Variants in MAPK15 observed in about 807,000 individuals in gnomAD.
The protein encoded by MAPK15 is mitogen-activated protein kinase 15.
MAPK15 carries 61 observed loss-of-function variants against 60.8 expected under a neutral mutation model. That is an observed-to-expected ratio of 1.00 (90% confidence interval 0.82 to 1.24). The LOEUF (loss-of-function observed/expected upper bound fraction) is 1.24. Among genes scored for constraint, MAPK15 ranks in the 50% most tolerant of loss-of-function variants. The pLI, the probability that MAPK15 is intolerant of heterozygous loss-of-function variation, is 0.00. For missense variants in MAPK15, 808 were observed against 741.1 expected (o/e 1.09, Z -1.05); for synonymous variants, 356 against 319.9 (o/e 1.11, Z -1.21).
rs782261037 is a variant in MAPK15, at chr8:143,722,263, C to T, written c.*12C>T. On this transcript the variant is annotated 3_prime_UTR_variant, in exon 14 of 14. Transcript: ENST00000338033. ...GGCACCATGTGTGAGCCGCCCTACTCCCTTCACCTGGCCCTCTGTTCCTGC... is the reference window on the plus strand; with the variant it reads ...GGCACCATGTGTGAGCCGCCCTACTTCCTTCACCTGGCCCTCTGTTCCTGC... 3 of 1,546,632 alleles carry T rather than the reference C, an allele frequency of 1.9e-6. No individual in the cohort carries two copies. In the Admixed American group the frequency reaches 5.6e-5, roughly 29 times the overall value.
Position 143,719,170 on chromosome 8 carries a change from A to T in MAPK15, c.581+14A>T. On this transcript the variant is annotated intron_variant, in intron 6 of 13. Transcript: ENST00000338033. ...CTCTTCGCACCGGTAATAGCGAGAC[A>T]TCCCCAACCCCCCCTCCACCTCCCT... 1 of 1,420,326 alleles carries T rather than the reference A, an allele frequency of 7.0e-7. No individual in the cohort carries two copies. The highest frequency in any genetic ancestry group is 9.3e-7 in the Non-Finnish European group (1 of 1,077,032). The allele number at this position is 1,420,326 out of a possible 1,614,324, so 88.0% of individuals were successfully genotyped here.
At position 143,720,689 on chromosome 8, in the gene MAPK15, A is replaced by G; in HGVS notation, c.780-14A>G. On this transcript the variant is annotated splice_polypyrimidine_tract_variant and intron_variant, in intron 8 of 13. Coordinates refer to ENST00000338033, the MANE Select transcript of MAPK15 (RefSeq NM_139021.3). The surrounding 1 kb of genome is among the most constrained non-coding windows in gnomAD (Gnocchi z 4.6). ...TTGGGTCGGGCCCTGGAGACGACAC[A>G]CGGCAGCCCACAGGCCACGACAGAC... 4.4e-6 allele frequency: 7 copies of G among 1,606,688 alleles called. No individual in the cohort carries two copies. The highest frequency in any genetic ancestry group is 1.1e-5 in the South Asian group (1 of 90,004).
chr8:143,716,594 C>A (rs992536890), intron 1 of MAPK15, 151 bp downstream of exon 1: 1 of 640,492 alleles, frequency 1.6e-6, no homozygotes, highest in Non-Finnish European at 2.5e-6. Flanking sequence ...GTCTGGAGCC[C>A]CTTCGTGCCT....
At chr8:143,722,001 T>C in intron 13 of MAPK15, 74 bp from the exon 14 acceptor site, 1 of 1,533,764 alleles carries the variant, frequency 6.5e-7, no homozygotes. Flanking sequence ...TTCAAATCTC[T>C]CGAGGACCTC....
rs1030207018 is a variant in MAPK15 at position 143,717,994 on chromosome 8, T to C, written c.166-53T>C. The C allele has an allele frequency of 6.2e-6, 10 of 1,612,880 alleles. No homozygotes were observed. In the African/African-American group the frequency reaches 6.7e-5, roughly 11 times the overall value. On this transcript the variant is annotated intron_variant, in intron 2 of 13. Coordinates refer to ENST00000338033, the MANE Select transcript of MAPK15 (RefSeq NM_139021.3). Reference sequence around the variant, plus strand: ...AGCTCCTTTGGGTCCTCTCAGGACATGGGCTTCCTTCTTGCTCCACCCACC... The same window carrying C: ...AGCTCCTTTGGGTCCTCTCAGGACACGGGCTTCCTTCTTGCTCCACCCACC...
At chr8:143,718,178 C>T in intron 3 of MAPK15, 34 bp from the exon 4 acceptor site, 1 of 1,613,372 alleles carries the variant, frequency 6.2e-7, no homozygotes, top group Non-Finnish European at 8.5e-7. Flanking sequence ...ACAGCCCCTC[C>T]TGGCCTTCCA....
At position 143,718,070 on chromosome 8, in the gene MAPK15, C is replaced by A. The variant is rs1563748262; in HGVS notation, c.189C>A (p.Leu63=). ...AGAGAACATTCCGGGAAATCACGCT[C>A]CTCCAGGTGAGTGGCCTGGGCCCTC... The part of the protein sequence containing the change: ...DAQRTFREIT[L]LQEFGDHPNI... The change falls in exon 3 of 14, where the codon CTC becomes CTA. Residue 63 remains leucine (L), a synonymous_variant. Coordinates refer to ENST00000338033, the MANE Select transcript of MAPK15 (RefSeq NM_139021.3). 2 of 1,614,156 alleles carry A rather than the reference C, an allele frequency of 1.2e-6. No homozygotes were observed. The highest frequency in any genetic ancestry group is 1.6e-4 in the Middle Eastern group (1 of 6,062).
rs111950371 is a variant in MAPK15, at chr8:143,718,925, G to C, written c.417+20G>C. The C allele has an allele frequency of 6.3e-7, 1 of 1,598,336 alleles. No homozygotes were observed. The highest frequency in any genetic ancestry group is 8.5e-7 in the Non-Finnish European group (1 of 1,171,404). The stretch of plus-strand genomic sequence containing the variant: ...CAGAAGGTGCGGTTCCCCCGCCCCC[G>C]CTATGCCACGTGGCCCGGCTCCCGG... On this transcript the variant is annotated intron_variant, in intron 5 of 13. Transcript: ENST00000338033.
rs531581091 is a variant in MAPK15, at chr8:143,717,674, G to A, written c.67-20G>A. The A allele has an allele frequency of 2.5e-6, 4 of 1,581,560 alleles. No individual in the cohort carries two copies. The highest frequency in any genetic ancestry group is 2.6e-6 in the Non-Finnish European group (3 of 1,162,646). On this transcript the variant is annotated intron_variant, in intron 1 of 13. Coordinates refer to ENST00000338033, the MANE Select transcript of MAPK15 (RefSeq NM_139021.3). ...GATGGGGGGAAGGGGCTGGCCCTGT[G>A]TGACGGCACTCCTTCCCAGGCCTAT...
chr8:143,718,967 G>C (rs1554619091), intron 5 of MAPK15, 26 bp from the exon 6 acceptor site: 1 of 1,601,358 alleles, frequency 6.2e-7, no homozygotes, highest in Non-Finnish European at 8.5e-7. Context: ...CCAGCCCCGG[G>C]GCCTCAGCCT....
At position 143,720,907 on chromosome 8, in the gene MAPK15, T is replaced by C; in HGVS notation, c.917+67T>C. 3 of 1,584,972 alleles carry C rather than the reference T, an allele frequency of 1.9e-6. No individual in the cohort carries two copies. Among genetic ancestry groups the C allele is most frequent in the Admixed American group, 1.7e-5 (1 of 58,924 alleles). ...GTGGGGGCAGGAGAGAGCCAGCCCA[T>C]GAGGGACAGCCCCCACAGCAGGGAC... On this transcript the variant is annotated intron_variant, in intron 9 of 13. Coordinates refer to ENST00000338033, the MANE Select transcript of MAPK15 (RefSeq NM_139021.3). This position sits in a 1 kb window ranked among gnomAD's most constrained non-coding sequence, Gnocchi z 4.6.
intron 7 of MAPK15, among the ~76,000 whole-genome samples, 183 bp downstream of exon 7, chr8:143,719,665 T>C (rs1817970503): frequency 6.6e-6 from 1 of 151,696 alleles, no homozygotes; most frequent in Admixed American, 6.6e-5. Context: ...GAGGAGCTGC[T>C]GGGGGTGGGT....
In MAPK15 at chr8:143,722,083, C is replaced by G. The variant is rs782093349; in HGVS notation, c.1467C>G (p.Pro489=). The G allele has an allele frequency of 3.1e-6, 5 of 1,612,056 alleles. No homozygotes were observed. The African/African-American group carries it at 5.3e-5, about 17-fold the overall frequency. Residue 489 remains proline, a synonymous_variant, in exon 14 of 14, where the codon CCC becomes CCG. Coordinates refer to ENST00000338033, the MANE Select transcript of MAPK15 (RefSeq NM_139021.3). ...VRVASVQQVP[P]RLPPEARPGR... is the part of the protein sequence containing the mutation. ...CCCTCAACTGTACACAGGTCCCTCC[C>G]CGGCTTCCTCCGGAGGCCCGGCCCG...
rs60732298 is a variant in MAPK15, at chr8:143,719,423, C to A, written c.662C>A (p.Thr221Lys). 0.048 allele frequency: 77,379 copies of A among 1,610,766 alleles called. 2,965 individuals are homozygous for A. The highest frequency in any genetic ancestry group is 0.2 in the African/African-American group (15,026 of 74,846). ...CGGGGGAGACCCCTGTTCCCCGGCA[C>A]GTCCACCCTCCACCAGCTGGAGCTG... Reference protein sequence around the residue: ...MLRGRPLFPGTSTLHQLELIL... With the variant: ...MLRGRPLFPGKSTLHQLELIL... Residue 221 changes from threonine to lysine, a missense_variant, in exon 7 of 14, where the codon ACG becomes AAG. Coordinates refer to ENST00000338033, the MANE Select transcript of MAPK15 (RefSeq NM_139021.3).
rs200892039 is a variant in MAPK15, at chr8:143,721,813, C to T, written c.1391C>T (p.Ala464Val). Residue 464 changes from alanine (A) to valine (V), a missense_variant, in exon 13 of 14, where the codon GCC (alanine) becomes GTC (valine). Transcript: ENST00000338033. ...SLTSQAAAQVANQALIRGDWN... is the reference protein window; with the variant it reads ...SLTSQAAAQVVNQALIRGDWN... Reference sequence around the variant, plus strand: ...ACCTCCCAGGCTGCGGCTCAGGTGGCCAACCAGGCCCTGATCCGGGGTGAC... The same window carrying T: ...ACCTCCCAGGCTGCGGCTCAGGTGGTCAACCAGGCCCTGATCCGGGGTGAC... The T allele has an allele frequency of 1.2e-6, 2 of 1,612,234 alleles. No individual in the cohort carries two copies. The highest frequency in any genetic ancestry group is 1.7e-6 in the Non-Finnish European group (2 of 1,179,458).
Position 143,720,703 on chromosome 8 carries a change from G to T in MAPK15, c.780G>T (p.Arg260=). 1 of 1,610,542 alleles carries T rather than the reference G, an allele frequency of 6.2e-7. No individual in the cohort carries two copies. The highest frequency in any genetic ancestry group is 8.5e-7 in the Non-Finnish European group (1 of 1,178,694). ...GGAGACGACACACGGCAGCCCACAG[G>T]CCACGACAGACGCTGGATGCCCTCC... ...RASVLHQLGS[R]PRQTLDALLP... The change falls in exon 9 of 14, where the codon CGG becomes CGT. Residue 260 remains arginine, a splice_region_variant and synonymous_variant. Coordinates refer to ENST00000338033, the MANE Select transcript of MAPK15 (RefSeq NM_139021.3). The surrounding 1 kb of genome is among the most constrained non-coding windows in gnomAD (Gnocchi z 4.6).
Position 143,721,046 on chromosome 8 carries a change from C to T in MAPK15, c.964C>T (p.Pro322Ser). 1 of 1,612,104 alleles carries T rather than the reference C, an allele frequency of 6.2e-7. No homozygotes were observed. Among genetic ancestry groups the T allele is most frequent in the South Asian group, 1.1e-5 (1 of 91,040 alleles). ...DEWAREADVR[P>S]RAHEGVQLSV... ...GTGGGCACGAGAGGCAGATGTGCGG[C>T]CCCGGGCACACGAAGGGGTCCAGCT... The change falls in exon 10 of 14, where the codon CCC becomes TCC. Residue 322 changes from proline to serine, a missense_variant. By Grantham distance (74) the Pro-to-Ser change is moderately conservative (BLOSUM62 -1). Coordinates refer to ENST00000338033, the MANE Select transcript of MAPK15 (RefSeq NM_139021.3).
chr8:143,722,108 G>A lies in MAPK15; in HGVS notation c.1492G>A (p.Gly498Ser), dbSNP rs782370563. The A allele has an allele frequency of 1.1e-5, 18 of 1,612,164 alleles. No individual in the cohort carries two copies. The highest frequency in any genetic ancestry group is 2.2e-5 in the South Asian group (2 of 91,042). The change falls in exon 14 of 14, where the codon GGC becomes AGC. Residue 498 changes from glycine to serine, a missense_variant. Coordinates refer to ENST00000338033, the MANE Select transcript of MAPK15 (RefSeq NM_139021.3). ...CCGGCTTCCTCCGGAGGCCCGGCCC[G>A]GCCGGAGGATGTTCAGCACCTCTGC... Reference protein sequence around the residue: ...PPRLPPEARPGRRMFSTSALQ... With the variant: ...PPRLPPEARPSRRMFSTSALQ...
At position 143,721,618 on chromosome 8, in the gene MAPK15, G is replaced by A. The variant is rs35834318; in HGVS notation, c.1274G>A (p.Gly425Glu). The change falls in exon 12 of 14, where the codon GGG becomes GAG. Residue 425 changes from glycine (G) to glutamate (E), a missense_variant. Coordinates refer to ENST00000338033, the MANE Select transcript of MAPK15 (RefSeq NM_139021.3). ...SAPLLQTALL[G>E]NGERPPGAKE... Reference sequence around the variant, plus strand: ...CCCCTGCTCCAAACTGCTCTCCTAGGGAATGGGGAAAGGCCCCCTGGGGCG... The same window carrying A: ...CCCCTGCTCCAAACTGCTCTCCTAGAGAATGGGGAAAGGCCCCCTGGGGCG... 2,140 of 1,612,398 alleles carry A rather than the reference G, an allele frequency of 1.3e-3. 47 individuals are homozygous for A. The East Asian group carries it at 0.041, about 31-fold the overall frequency.
Sources: gnomAD v4.1 joint callset for allele counts (sites outside exome capture counted in the v4.1 genomes callset) on GRCh38, gnomAD v4.1.1 for gene constraint, Gnocchi (gnomAD v3.1) non-coding constraint, MANE v1.5 for transcripts, NCBI Gene and HGNC (gene_info 2026-07-23, HGNC 2026-07-21) for gene names.